Variants in CTNNA3 observed in about 807,000 individuals in gnomAD.
The protein encoded by CTNNA3 is catenin alpha-3.
In CTNNA3, 76 loss-of-function variants were observed where a neutral mutation model predicts 95.7. The ratio of observed to expected loss-of-function variants is 0.79; its 90% CI spans 0.66 to 0.96. The LOEUF is 0.96. CTNNA3 is among the 40% of genes least tolerant of loss of function. The pLI is 0.00. For synonymous variants in CTNNA3, 431 were observed against 374.4 expected (o/e 1.15, Z -1.74); for missense variants, 1,191 against 1,089.8 (o/e 1.09, Z -1.31).
chr10:66,096,018 A>G (rs1284616129), intron 14 of CTNNA3, among the ~76,000 whole-genome samples: 2 of 152,184 alleles, frequency 1.3e-5, no homozygotes, highest in Non-Finnish European at 2.9e-5. Context: ...CAAATAATGT[A>G]TCTTTAAAAA....
intron 5 of CTNNA3, among the ~76,000 whole-genome samples, chr10:67,305,012 C>A (rs753172683): frequency 6.6e-6 from 1 of 152,142 alleles, no homozygotes; most frequent in African/African-American, 2.4e-5. Flanking sequence ...TGCGGTGGCT[C>A]ATGCCTGTAA....
At chr10:67,235,649 C>A (rs367926680) in intron 5 of CTNNA3, among the ~76,000 whole-genome samples, 2,871 of 132,784 alleles carry the variant, frequency 0.022, 175 homozygotes, top group African/African-American at 0.071. Flanking sequence ...GCAACAAAAG[C>A]CAAAATTGAC....
intron 7 of CTNNA3, among the ~76,000 whole-genome samples, chr10:66,929,887 A>G (rs1241298212): frequency 6.6e-6 from 1 of 152,190 alleles, no homozygotes; most frequent in Non-Finnish European, 1.5e-5. Flanking sequence ...ATTCTCCTTC[A>G]TCCTCCAAAA....
chr10:66,540,447 G>A (rs1285796138), intron 10 of CTNNA3, among the ~76,000 whole-genome samples: 2 of 152,098 alleles, frequency 1.3e-5, no homozygotes, highest in Admixed American at 1.3e-4. Flanking sequence ...AGAGAGACTT[G>A]CCACATGTAT....
At chr10:67,692,975 G>C (rs1179516076) in intron 1 of CTNNA3, among the ~76,000 whole-genome samples, 1 of 152,112 alleles carries the variant, frequency 6.6e-6, no homozygotes, top group African/African-American at 2.4e-5. Context: ...CCATTGCCAG[G>C]AGGCATCTGA....
chr10:66,211,152 A>G (rs79082943), intron 13 of CTNNA3, among the ~76,000 whole-genome samples: 5,394 of 152,302 alleles, frequency 0.035, 319 homozygotes, highest in African/African-American at 0.12. Context: ...CAACAGTAAC[A>G]CCATCAACAC....
chr10:66,563,943 T>C (rs1842628746), intron 10 of CTNNA3, among the ~76,000 whole-genome samples: 1 of 152,066 alleles, frequency 6.6e-6, no homozygotes, highest in South Asian at 2.1e-4. Context: ...ACCAAACCAA[T>C]GTACATCTTA....
intron 5 of CTNNA3, among the ~76,000 whole-genome samples, chr10:67,462,211 T>G (rs1847405151): frequency 6.6e-6 from 1 of 152,144 alleles, no homozygotes; most frequent in South Asian, 2.1e-4. Context: ...TGAAAATGTC[T>G]AGAGTGGTTG....
chr10:67,022,524 G>A (rs946713782), intron 7 of CTNNA3, among the ~76,000 whole-genome samples: 12 of 152,238 alleles, frequency 7.9e-5, no homozygotes, highest in Middle Eastern at 3.4e-3. Flanking sequence ...ATGGCAGGAA[G>A]GTCATGAATT....
At chr10:66,901,789 A>T (rs548000896) in intron 7 of CTNNA3, among the ~76,000 whole-genome samples, 19 of 152,352 alleles carry the variant, frequency 1.2e-4, no homozygotes, top group African/African-American at 4.6e-4. Flanking sequence ...GAAGGCCATT[A>T]CATAATGGTA....
chr10:67,088,117 G>A (rs1392435748), intron 7 of CTNNA3, among the ~76,000 whole-genome samples: 2 of 151,584 alleles, frequency 1.3e-5, no homozygotes, highest in Non-Finnish European at 2.9e-5. Flanking sequence ...GTGAATGAGT[G>A]AAAAATTGAG....
chr10:67,539,690 T>G (rs774667469), intron 3 of CTNNA3, 21 bp from the exon 4 acceptor site: 1 of 1,606,332 alleles, frequency 6.2e-7, no homozygotes, highest in Non-Finnish European at 8.5e-7. Flanking sequence ...CAACCCCATA[T>G]AAGTTATACT....
chr10:66,853,352 T>G (rs577011754), intron 7 of CTNNA3, among the ~76,000 whole-genome samples: 1 of 152,220 alleles, frequency 6.6e-6, no homozygotes, highest in East Asian at 1.9e-4. Flanking sequence ...TAATTAAGCT[T>G]TGCAAAATGA....
intron 13 of CTNNA3, among the ~76,000 whole-genome samples, chr10:66,159,222 G>A (rs753095809): frequency 1.4e-4 from 22 of 151,898 alleles, no homozygotes; most frequent in Admixed American, 2.0e-4. Context: ...GAGTGGGCAC[G>A]CTTGTGTTGT....
intron 13 of CTNNA3, among the ~76,000 whole-genome samples, chr10:66,114,673 G>A (rs2082254788): frequency 6.6e-6 from 1 of 151,852 alleles, no homozygotes; most frequent in Admixed American, 6.6e-5. Context: ...GAGGTCAAGA[G>A]ATCGAGACCA....
rs1841355004 is a variant in CTNNA3 at position 67,743,487 on chromosome 10, T to C, written c.-2+19947A>G. 2.0e-5 allele frequency among the ~76,000 whole-genome samples: 3 copies of C among 151,324 alleles called. No homozygotes were observed. In the South Asian group the frequency reaches 6.4e-4, roughly 32 times the overall value. On this transcript the variant is annotated intron_variant, in intron 1 of 17. Coordinates refer to the CTNNA3 transcript ENST00000684154. ...TAAAAACTCTCAATAAATTAGGTAT[T>C]GATGGGACATATCTCAAAATAATAA...
chr10:67,501,273 T>G lies in CTNNA3; in HGVS notation c.579+20569A>C, dbSNP rs12413791. Among the ~76,000 whole-genome samples the G allele has an allele frequency of 0.029, 4,475 of 152,240 alleles. 428 individuals are homozygous for G. In the East Asian group the frequency reaches 0.35, roughly 12 times the overall value. ...CTGGGTTGAAAATTCTTTTCTTTAATAATGTTGAATATTGGCCCCCACTCT... is the reference window on the plus strand; with the variant it reads ...CTGGGTTGAAAATTCTTTTCTTTAAGAATGTTGAATATTGGCCCCCACTCT... On this transcript the variant is annotated intron_variant, in intron 5 of 17. Transcript: ENST00000433211.
At chr10:65,989,970 T>C (rs1372814547) in intron 15 of CTNNA3, among the ~76,000 whole-genome samples, 1 of 152,074 alleles carries the variant, frequency 6.6e-6, no homozygotes, top group East Asian at 1.9e-4. Flanking sequence ...AAGTGATATT[T>C]GTCTAACTTA....
chr10:66,684,550 C>A (rs1847179642), intron 9 of CTNNA3, among the ~76,000 whole-genome samples: 2 of 152,084 alleles, frequency 1.3e-5, no homozygotes, highest in Non-Finnish European at 2.9e-5. Flanking sequence ...TCTTTTTCAG[C>A]AGTCTTTTTC....
Sources: allele counts gnomAD v4.1 joint callset (sites outside exome capture counted in the v4.1 genomes callset), GRCh38; gene constraint gnomAD v4.1.1; transcripts MANE v1.5; gene names NCBI Gene and HGNC (gene_info 2026-07-23, HGNC 2026-07-21).